The following SLC13A3 variants were observed in gnomAD, a reference collection of about 807,000 sequenced individuals.
SLC13A3 encodes solute carrier family 13 member 3.
In SLC13A3, 40 loss-of-function variants were observed where a neutral mutation model predicts 59.0. The ratio of observed to expected loss-of-function variants is 0.68; its 90% CI spans 0.53 to 0.88. The LOEUF is 0.88. Among genes scored for constraint, SLC13A3 ranks in the 40% least tolerant of loss-of-function variants. SLC13A3 has a pLI of 0.00. For synonymous variants in SLC13A3, 317 were observed against 330.3 expected, an observed-to-expected ratio of 0.96 and a Z score of 0.44; for missense variants, 699 against 783.2, an observed-to-expected ratio of 0.89 and a Z score of 1.28.
intron 1 of SLC13A3, among the ~76,000 whole-genome samples, chr20:46,615,365 C>T (rs1023535516): frequency 1.8e-4 from 27 of 152,086 alleles, no homozygotes; most frequent in African/African-American, 5.8e-4. Flanking sequence ...ATATCCTCAG[C>T]GAAACAGGAC....
chr20:46,630,974 A>G (rs2062730425), intron 1 of SLC13A3, among the ~76,000 whole-genome samples: 1 of 152,254 alleles, frequency 6.6e-6, no homozygotes, highest in Non-Finnish European at 1.5e-5. Context: ...ATTGATACAT[A>G]CAGTAGCTCA....
At chr20:46,663,768 G>A (rs76227306) in intron 1 of SLC13A3, among the ~76,000 whole-genome samples, 3,729 of 152,256 alleles carry the variant, frequency 0.024, 142 homozygotes, top group African/African-American at 0.084. Context: ...GCTACTGAGT[G>A]GGGATTCAAA....
chr20:46,577,459 C>T (rs2062090874), intron 9 of SLC13A3, among the ~76,000 whole-genome samples: 2 of 152,184 alleles, frequency 1.3e-5, no homozygotes, highest in Non-Finnish European at 2.9e-5. Context: ...GATAAAATGT[C>T]GTTTCATTAA....
At chr20:46,676,499 C>T (rs959933630) in intron 1 of SLC13A3, among the ~76,000 whole-genome samples, 12 of 151,618 alleles carry the variant, frequency 7.9e-5, no homozygotes, top group African/African-American at 2.7e-4. Context: ...AGGCAATCCG[C>T]CCACCTCAGC....
intron 10 of SLC13A3, among the ~76,000 whole-genome samples, chr20:46,574,904 C>A (rs2062060364): frequency 6.8e-6 from 1 of 147,552 alleles, no homozygotes; most frequent in African/African-American, 2.5e-5. Flanking sequence ...GTATTATGAT[C>A]ATGACTCCAC....
chr20:46,630,021 G>C (rs1253662267), intron 1 of SLC13A3, among the ~76,000 whole-genome samples: 1 of 152,214 alleles, frequency 6.6e-6, no homozygotes, highest in Admixed American at 6.5e-5. Context: ...TTGGAGGAAA[G>C]TGTGGGGAAA....
At chr20:46,574,914 C>G (rs2062060459) in intron 10 of SLC13A3, among the ~76,000 whole-genome samples, 1 of 149,820 alleles carries the variant, frequency 6.7e-6, no homozygotes, top group Non-Finnish European at 1.5e-5. Context: ...CATGACTCCA[C>G]TGTACTCCAG....
upstream of SLC13A3, among the ~76,000 whole-genome samples, chr20:46,670,812 C>A (rs944232239): frequency 1.3e-5 from 2 of 151,982 alleles, no homozygotes; most frequent in Admixed American, 6.6e-5. Flanking sequence ...AATACAGAAA[C>A]CAACATGAAC....
At chr20:46,623,637 G>T (rs1473475925) in intron 1 of SLC13A3, among the ~76,000 whole-genome samples, 1 of 152,186 alleles carries the variant, frequency 6.6e-6, no homozygotes, top group Non-Finnish European at 1.5e-5. Context: ...CAGTCCCAGG[G>T]TAGTGTTGCA....
At chr20:46,669,793 C>T (rs1600632036) in intron 1 of SLC13A3, among the ~76,000 whole-genome samples, 1 of 152,164 alleles carries the variant, frequency 6.6e-6, no homozygotes, top group Non-Finnish European at 1.5e-5. Flanking sequence ...ATTATACAGA[C>T]ATTTCCTGAT....
Position 46,594,935 on chromosome 20 carries a change from T to C in SLC13A3, c.794+1222A>G, listed in dbSNP as rs191560949. Among the ~76,000 whole-genome samples the C allele has an allele frequency of 3.9e-5, 6 of 152,294 alleles. No individual in the cohort carries two copies. The East Asian group carries it at 1.2e-3, about 29-fold the overall frequency. On this transcript the variant is annotated intron_variant, in intron 5 of 12. Coordinates refer to ENST00000279027, the MANE Select transcript of SLC13A3 (RefSeq NM_022829.6). ...GTGAAAATACCTATAATGACTCACA[T>C]GTATGTTACTGAGGGTTGCACACAT...
At chr20:46,647,713 C>G (rs932542251) in intron 1 of SLC13A3, among the ~76,000 whole-genome samples, 1 of 152,142 alleles carries the variant, frequency 6.6e-6, no homozygotes, top group African/African-American at 2.4e-5. Flanking sequence ...CCAGCCTCCC[C>G]GAAGACAAGC....
intron 1 of SLC13A3, among the ~76,000 whole-genome samples, chr20:46,615,526 G>T (rs941369483): frequency 2.6e-5 from 4 of 152,172 alleles, no homozygotes; most frequent in African/African-American, 9.7e-5. Flanking sequence ...GTTGTAGGTA[G>T]TGAGAAGTAG....
intron 8 of SLC13A3, 102 bp downstream of exon 8, chr20:46,587,957 G>T: frequency 1.8e-6 from 1 of 565,974 alleles, no homozygotes; most frequent in East Asian, 2.9e-5. Flanking sequence ...TGGAAACTTG[G>T]ATGCGTGTCT....
At chr20:46,639,907 G>T (rs1479216634) in intron 1 of SLC13A3, among the ~76,000 whole-genome samples, 1 of 152,194 alleles carries the variant, frequency 6.6e-6, no homozygotes, top group African/African-American at 2.4e-5. Flanking sequence ...GAGCCAGAAT[G>T]GTGAGGTTTG....
chr20:46,650,163 C>T (rs181874247), intron 1 of SLC13A3, among the ~76,000 whole-genome samples: 34 of 152,294 alleles, frequency 2.2e-4, no homozygotes, highest in Non-Finnish European at 1.5e-5. Context: ...GGTACCATCT[C>T]CTTCCAGCCC....
chr20:46,626,292 C>T (rs572175269), intron 1 of SLC13A3, among the ~76,000 whole-genome samples: 263 of 150,042 alleles, frequency 1.8e-3, no homozygotes, highest in Non-Finnish European at 3.0e-3. Context: ...CTCCCTTTCT[C>T]TCTCTCCTCC....
At chr20:46,611,773 C>A (rs1190174826) in intron 2 of SLC13A3, among the ~76,000 whole-genome samples, 1 of 152,124 alleles carries the variant, frequency 6.6e-6, no homozygotes, top group Non-Finnish European at 1.5e-5. Flanking sequence ...CTGACCTCTA[C>A]AAGGCAGCTA....
intron 12 of SLC13A3, 27 bp downstream of exon 12, chr20:46,563,387 C>T (rs755716836): frequency 6.2e-7 from 1 of 1,606,008 alleles, no homozygotes; most frequent in South Asian, 1.1e-5. Flanking sequence ...CATCCCGGGG[C>T]CTCTGCTGGG....
Sources: gnomAD v4.1 joint callset for allele counts (sites outside exome capture counted in the v4.1 genomes callset) on GRCh38, gnomAD v4.1.1 for gene constraint, MANE v1.5 for transcripts, NCBI Gene and HGNC (gene_info 2026-07-23, HGNC 2026-07-21) for gene names.